HMBOX1: variants seen among roughly 807,000 people sequenced by gnomAD.
The protein encoded by HMBOX1 is homeobox containing 1, also known as homeobox-containing protein 1.
Under a neutral mutation model 54.5 loss-of-function variants are expected in HMBOX1, and 14 were observed. The observed-to-expected ratio is 0.26, with a 90% confidence interval of 0.17 to 0.40. HMBOX1 has a LOEUF of 0.40. HMBOX1 is among the 10% of genes least tolerant of loss of function. HMBOX1 has a pLI of 1.00. For missense variants in HMBOX1, 332 were observed against 514.4 expected, an observed-to-expected ratio of 0.65 and a Z score of 3.43; for synonymous variants, 160 against 181.0, an observed-to-expected ratio of 0.88 and a Z score of 0.93.
chr8:28,911,365 G>C lies in HMBOX1; in HGVS notation c.-58+20687G>C, dbSNP rs75108962. ...GCTGCTGGCACCACTGAATGCTGCTGCTTGACTTTTTTTGAAGTCTCCCTC... is the reference window on the plus strand; with the variant it reads ...GCTGCTGGCACCACTGAATGCTGCTCCTTGACTTTTTTTGAAGTCTCCCTC... On this transcript the variant is annotated intron_variant, in intron 1 of 9. Coordinates refer to ENST00000287701, the MANE Select transcript of HMBOX1 (RefSeq NM_001135726.3). Among the ~76,000 whole-genome samples, 424 of 152,266 alleles carry C rather than the reference G, an allele frequency of 2.8e-3. 4 individuals are homozygous for C. The highest frequency in any genetic ancestry group is 9.4e-3 in the African/African-American group (389 of 41,574).
intron 1 of HMBOX1, among the ~76,000 whole-genome samples, chr8:28,933,309 A>AAGTTC (rs1378206901): frequency 1.3e-5 from 2 of 152,212 alleles, no homozygotes; most frequent in East Asian, 3.8e-4. Flanking sequence ...AAGGCTTCTC[A>AAGTTC]AGTTCAGTTC....
chr8:29,013,711 T>C (rs1036368650), intron 5 of HMBOX1, among the ~76,000 whole-genome samples: 4 of 152,216 alleles, frequency 2.6e-5, no homozygotes, highest in African/African-American at 9.6e-5. Context: ...AAAACACTTA[T>C]AAGAAAATAC....
At chr8:29,045,848 A>G (rs1372080732) in intron 7 of HMBOX1, among the ~76,000 whole-genome samples, 1 of 152,204 alleles carries the variant, frequency 6.6e-6, no homozygotes, top group Non-Finnish European at 1.5e-5. Flanking sequence ...AAATTGTAAA[A>G]TGCTATATTT....
intron 1 of HMBOX1, among the ~76,000 whole-genome samples, chr8:28,893,723 T>C (rs1189969123): frequency 6.6e-6 from 1 of 152,226 alleles, no homozygotes; most frequent in Non-Finnish European, 1.5e-5. Context: ...AACCAGCTTA[T>C]GGCAATTTTT....
chr8:29,015,387 G>T (rs1187051677), intron 5 of HMBOX1, among the ~76,000 whole-genome samples: 1 of 152,174 alleles, frequency 6.6e-6, no homozygotes, highest in Non-Finnish European at 1.5e-5. Context: ...TGGACAAGAG[G>T]TTGTATTCCC....
intron 4 of HMBOX1, among the ~76,000 whole-genome samples, chr8:29,003,543 T>A (rs1468497328): frequency 3.0e-5 from 4 of 133,004 alleles, no homozygotes; most frequent in Admixed American, 7.8e-5. Context: ...TGTATTAAAT[T>A]TTTCTGTATT....
At chr8:29,000,853 C>T (rs1832531125) in intron 4 of HMBOX1, among the ~76,000 whole-genome samples, 1 of 152,066 alleles carries the variant, frequency 6.6e-6, no homozygotes, top group South Asian at 2.1e-4. Flanking sequence ...GGGAGGAGGC[C>T]AAGTTAAAAT....
chr8:28,892,502 T>G (rs1811214341), intron 1 of HMBOX1, among the ~76,000 whole-genome samples: 1 of 152,236 alleles, frequency 6.6e-6, no homozygotes, highest in Admixed American at 6.5e-5. Context: ...GCATAATTTC[T>G]ATTTCGACTG....
At chr8:28,991,072 G>T (rs1830913683) in intron 4 of HMBOX1, among the ~76,000 whole-genome samples, 1 of 152,136 alleles carries the variant, frequency 6.6e-6, no homozygotes, top group East Asian at 1.9e-4. Context: ...TGTAGAATTG[G>T]TATTATTTCT....
chr8:29,026,702 C>T (rs1425869221), intron 6 of HMBOX1, among the ~76,000 whole-genome samples: 1 of 152,148 alleles, frequency 6.6e-6, no homozygotes, highest in East Asian at 1.9e-4. Context: ...TAACAAGTGT[C>T]CCAGTCACAT....
chr8:28,893,231 G>A (rs186511211), intron 1 of HMBOX1, among the ~76,000 whole-genome samples: 2 of 152,118 alleles, frequency 1.3e-5, no homozygotes. Context: ...TTAAGTACTG[G>A]GCATTAAAAT....
chr8:28,892,441 C>A (rs1811196802), intron 1 of HMBOX1, among the ~76,000 whole-genome samples: 2 of 152,058 alleles, frequency 1.3e-5, no homozygotes, highest in African/African-American at 4.8e-5. Context: ...CTTCAATAAT[C>A]CTTATGTGAC....
chr8:29,004,996 AT>A (rs1402047035), intron 4 of HMBOX1, among the ~76,000 whole-genome samples: 1 of 152,162 alleles, frequency 6.6e-6, no homozygotes, highest in Non-Finnish European at 1.5e-5. Context: ...TTTTGGAAAA[AT>A]TACCTGCTTT....
chr8:29,009,856 C>T (rs767304105), intron 5 of HMBOX1: 163 of 1,186,482 alleles, frequency 1.4e-4, no homozygotes, highest in Non-Finnish European at 1.6e-4. Flanking sequence ...AGTTATGGGA[C>T]TATCTCAATC....
intron 4 of HMBOX1, among the ~76,000 whole-genome samples, chr8:29,003,555 AATATATATAT>A (rs71222586): frequency 0.03 from 2,127 of 71,312 alleles, 108 homozygotes; most frequent in East Asian, 0.064. Context: ...TTCTGTATTA[AATATATATAT>A]ATATATATAT....
intron 5 of HMBOX1, among the ~76,000 whole-genome samples, chr8:29,012,050 G>C (rs540881578): frequency 6.6e-6 from 1 of 152,220 alleles, no homozygotes; most frequent in Admixed American, 6.5e-5. Context: ...GGTAGCTAGA[G>C]ATAAGAGGGT....
At chr8:28,929,929 C>T (rs1819193383) in intron 1 of HMBOX1, among the ~76,000 whole-genome samples, 1 of 145,356 alleles carries the variant, frequency 6.9e-6, no homozygotes, top group African/African-American at 2.6e-5. Flanking sequence ...ACACCCCGCC[C>T]CCCGCCCGCC....
At chr8:29,021,086 G>A (rs1177837331) in intron 6 of HMBOX1, among the ~76,000 whole-genome samples, 1 of 152,108 alleles carries the variant, frequency 6.6e-6, no homozygotes, top group Non-Finnish European at 1.5e-5. Flanking sequence ...GACATGAGAG[G>A]ATTGCTTGAG....
At chr8:28,899,189 A>G (rs969349102) in intron 1 of HMBOX1, among the ~76,000 whole-genome samples, 7 of 152,258 alleles carry the variant, frequency 4.6e-5, no homozygotes, top group African/African-American at 1.2e-4. Context: ...AATGAGAGGT[A>G]GCCCTGGATA....
Sources: allele counts gnomAD v4.1 joint callset (sites outside exome capture counted in the v4.1 genomes callset), GRCh38; gene constraint gnomAD v4.1.1; transcripts MANE v1.5; gene names NCBI Gene and HGNC (gene_info 2026-07-23, HGNC 2026-07-21).